TTC27: variants seen among roughly 807,000 people sequenced by gnomAD.
The protein encoded by TTC27 is tetratricopeptide repeat domain 27.
A neutral mutation model predicts 115.9 loss-of-function variants in TTC27; 79 were observed. The observed-to-expected ratio is 0.68, with a 90% CI of 0.57 to 0.82. TTC27 has a LOEUF of 0.82. TTC27 is among the 40% of genes least tolerant of loss of function. The pLI is 0.00. For missense variants in TTC27, 1,054 were observed against 993.1 expected, an observed-to-expected ratio of 1.06 and a Z score of -0.82; for synonymous variants, 401 against 356.0, an observed-to-expected ratio of 1.13 and a Z score of -1.42.
intron 9 of TTC27, among the ~76,000 whole-genome samples, chr2:32,690,499 A>G (rs191165389): frequency 6.6e-6 from 1 of 152,334 alleles, no homozygotes; most frequent in Admixed American, 6.5e-5. Flanking sequence ...GTTGCTAAGA[A>G]AGGAAGACAA....
intron 12 of TTC27, among the ~76,000 whole-genome samples, chr2:32,745,889 G>A (rs184193011): frequency 4.8e-4 from 73 of 152,178 alleles, no homozygotes; most frequent in African/African-American, 1.7e-3. Flanking sequence ...GCATCTCTGG[G>A]CAATTTAGGG....
chr2:32,795,304 A>G (rs1670660544), intron 16 of TTC27, among the ~76,000 whole-genome samples: 1 of 152,042 alleles, frequency 6.6e-6, no homozygotes, highest in South Asian at 2.1e-4. Context: ...TATGAAATAG[A>G]TCAATATAAT....
Position 32,710,089 on chromosome 2 carries a change from C to T in TTC27, c.1233+7169C>T, listed in dbSNP as rs146648346. Among the ~76,000 whole-genome samples the T allele has an allele frequency of 1.3e-3, 194 of 152,216 alleles. 3 individuals carry two copies. The East Asian group carries it at 0.034, about 27-fold the overall frequency. ...GGAGTGCGGTGGCATGATCTCGGCT[C>T]ACTGAAACCTCTGTGTCTTGAGTTC... On this transcript the variant is annotated intron_variant, in intron 10 of 19. Coordinates refer to ENST00000317907, the MANE Select transcript of TTC27 (RefSeq NM_017735.5).
At chr2:32,674,491 T>C (rs1385329087) in intron 8 of TTC27, among the ~76,000 whole-genome samples, 2 of 152,104 alleles carry the variant, frequency 1.3e-5, no homozygotes, top group African/African-American at 2.4e-5. Context: ...CACCCTTTGG[T>C]GTTCACCTTA....
chr2:32,779,037 A>G (rs1670087276), intron 14 of TTC27, among the ~76,000 whole-genome samples: 1 of 152,218 alleles, frequency 6.6e-6, no homozygotes, highest in Non-Finnish European at 1.5e-5. Flanking sequence ...CAGCCTGGCC[A>G]ACATGGTAAA....
chr2:32,704,306 C>G (rs1332489935), intron 10 of TTC27, among the ~76,000 whole-genome samples: 1 of 152,008 alleles, frequency 6.6e-6, no homozygotes, highest in Non-Finnish European at 1.5e-5. Context: ...TATGCCTCAG[C>G]CTTCTGAGTA....
intron 9 of TTC27, among the ~76,000 whole-genome samples, chr2:32,698,524 G>T (rs1259668299): frequency 6.9e-6 from 1 of 145,230 alleles, no homozygotes; most frequent in African/African-American, 2.5e-5. Context: ...CTGTCACGCA[G>T]CCTGGAGTGC....
At chr2:32,804,658 G>T (rs556284622) in intron 16 of TTC27, among the ~76,000 whole-genome samples, 2 of 152,058 alleles carry the variant, frequency 1.3e-5, no homozygotes, top group East Asian at 3.9e-4. Flanking sequence ...ATAATAAAAA[G>T]ATTAGAAAGA....
intron 18 of TTC27, among the ~76,000 whole-genome samples, chr2:32,815,223 ATTTTTTTTTTTTTTTTTTT>A (rs533493768): frequency 1.8e-5 from 1 of 55,498 alleles, no homozygotes; most frequent in African/African-American, 9.3e-5. Flanking sequence ...GCTGCTTCAG[ATTTTTTTTTTTTTTTTTTT>A]TTTTTTTTTT....
chr2:32,704,042 A>C (rs1485218319), intron 10 of TTC27, among the ~76,000 whole-genome samples: 1 of 152,200 alleles, frequency 6.6e-6, no homozygotes, highest in Admixed American at 6.5e-5. Flanking sequence ...ATAAGGGCCA[A>C]AGTCCTGCTT....
chr2:32,628,445 A>G (rs2063528350), intron 1 of TTC27, 65 bp downstream of exon 1: 3 of 1,397,368 alleles, frequency 2.1e-6, no homozygotes, highest in Admixed American at 5.7e-5. Context: ...GATGGCAGCG[A>G]CTGATTCTCA....
At chr2:32,700,819 C>T (rs531012647) in intron 9 of TTC27, among the ~76,000 whole-genome samples, 22 of 152,262 alleles carry the variant, frequency 1.4e-4, no homozygotes, top group South Asian at 1.2e-3. Context: ...GGATTACAGG[C>T]GTGAGCCATC....
intron 16 of TTC27, among the ~76,000 whole-genome samples, chr2:32,791,228 A>T (rs1670524115): frequency 2.0e-5 from 3 of 152,174 alleles, no homozygotes; most frequent in Admixed American, 2.0e-4. Context: ...ATATAGCCAT[A>T]CTTCTTTCCC....
intron 14 of TTC27, among the ~76,000 whole-genome samples, chr2:32,778,795 T>A (rs888596796): frequency 6.6e-6 from 1 of 152,258 alleles, no homozygotes; most frequent in African/African-American, 2.4e-5. Flanking sequence ...ATATCACTAC[T>A]ATAAACATTT....
intron 13 of TTC27, among the ~76,000 whole-genome samples, chr2:32,760,515 C>T (rs927245204): frequency 3.3e-5 from 5 of 152,142 alleles, no homozygotes; most frequent in Non-Finnish European, 5.9e-5. Flanking sequence ...GATTATCTGG[C>T]CTGTCATGCC....
At chr2:32,677,854 A>T (rs1287383843) in intron 8 of TTC27, among the ~76,000 whole-genome samples, 1 of 152,190 alleles carries the variant, frequency 6.6e-6, no homozygotes, top group Non-Finnish European at 1.5e-5. Context: ...CTGTTATAAA[A>T]ACATTTTTAT....
rs545523757 is a variant in TTC27 at position 32,785,022 on chromosome 2, G to C, written c.1833-1962G>C. Among the ~76,000 whole-genome samples the C allele has an allele frequency of 1.6e-4, 24 of 152,292 alleles. No homozygotes were observed. In the South Asian group the frequency reaches 4.4e-3, roughly 28 times the overall value. On this transcript the variant is annotated intron_variant, in intron 15 of 19. Transcript: ENST00000317907. The stretch of plus-strand genomic sequence containing the variant: ...AGGAATCCCTGAGATAGTTCTCTTA[G>C]AGTCAATAGATGGTAAATGCTCTTA...
At chr2:32,652,130 T>C (rs1277347194) in intron 5 of TTC27, among the ~76,000 whole-genome samples, 1 of 152,156 alleles carries the variant, frequency 6.6e-6, no homozygotes, top group East Asian at 1.9e-4. Flanking sequence ...TCCCAGCACT[T>C]TGGGAGGTCG....
chr2:32,724,839 C>T (rs1223216144), intron 10 of TTC27, among the ~76,000 whole-genome samples: 1 of 152,128 alleles, frequency 6.6e-6, no homozygotes, highest in Non-Finnish European at 1.5e-5. Flanking sequence ...GCTGCTGATA[C>T]AGACATAGCC....
Sources: gnomAD v4.1 joint callset for allele counts (sites outside exome capture counted in the v4.1 genomes callset) on GRCh38, gnomAD v4.1.1 for gene constraint, MANE v1.5 for transcripts, NCBI Gene and HGNC (gene_info 2026-07-23, HGNC 2026-07-21) for gene names.